The following GNAL variants were observed in gnomAD, a reference collection of about 807,000 sequenced individuals.
The protein encoded by GNAL is G protein subunit alpha L, also known as guanine nucleotide-binding protein G(olf) subunit alpha.
A neutral mutation model predicts 55.1 loss-of-function variants in GNAL; 18 were observed. That is an observed-to-expected ratio of 0.33 (90% CI 0.23 to 0.48). GNAL has a LOEUF of 0.48. Ranked by LOEUF, GNAL falls within the 20% of genes least tolerant of loss-of-function variation. GNAL has a pLI of 0.99. For missense variants in GNAL, 412 were observed against 614.1 expected (o/e 0.67, Z 3.48); for synonymous variants, 253 against 237.0 (o/e 1.07, Z -0.62).
Position 11,884,579 on chromosome 18 carries a change from G to T in GNAL, c.*3444G>T, listed in dbSNP as rs144278251. 1.2e-6 allele frequency: 2 copies of T among 1,613,944 alleles called. No individual in the cohort carries two copies. Among genetic ancestry groups the T allele is most frequent in the Non-Finnish European group, 8.5e-7 (1 of 1,180,030 alleles). ...TAGATGATCAAAACCACATCCTCACGTGGGAGGTAGCACTTGGAGAGGGTG... is the reference window on the plus strand; with the variant it reads ...TAGATGATCAAAACCACATCCTCACTTGGGAGGTAGCACTTGGAGAGGGTG... On this transcript the variant is annotated 3_prime_UTR_variant, in exon 12 of 12. Transcript: ENST00000334049.
At chr18:11,827,209 G>A (rs1466239380) in intron 5 of GNAL, among the ~76,000 whole-genome samples, 2 of 152,068 alleles carry the variant, frequency 1.3e-5, no homozygotes, top group African/African-American at 4.8e-5. Flanking sequence ...AGAATGGAGC[G>A]CACACCTGCT....
At chr18:11,783,430 A>G (rs560735869) in intron 4 of GNAL, among the ~76,000 whole-genome samples, 221 of 152,314 alleles carry the variant, frequency 1.5e-3, no homozygotes, top group Admixed American at 3.3e-3. Flanking sequence ...ATATTAGCTA[A>G]TCGGAAGAAA....
At position 11,884,519 on chromosome 18, in the gene GNAL, G is replaced by A. The variant is rs535879652; in HGVS notation, c.*3384G>A. ...GAGGCTAGAAGCCCAAAGTGAGTGA[G>A]TGTGAGGACCACAAGGAAGCCCACC... On this transcript the variant is annotated 3_prime_UTR_variant, in exon 12 of 12. Transcript: ENST00000334049. 33 of 1,614,166 alleles carry A rather than the reference G, an allele frequency of 2.0e-5. No homozygotes were observed. In the Admixed American group the frequency reaches 4.3e-4, roughly 21 times the overall value.
At chr18:11,825,831 A>T (rs925375164) in intron 5 of GNAL, among the ~76,000 whole-genome samples, 1 of 151,332 alleles carries the variant, frequency 6.6e-6, no homozygotes, top group Non-Finnish European at 1.5e-5. Flanking sequence ...GCTATGTTAG[A>T]TATATTCTAT....
At chr18:11,878,269 T>C (rs1341594028) in intron 11 of GNAL, among the ~76,000 whole-genome samples, 1 of 152,092 alleles carries the variant, frequency 6.6e-6, no homozygotes, top group African/African-American at 2.4e-5. Context: ...AGACAACATA[T>C]CGAGACCTCA....
intron 1 of GNAL, among the ~76,000 whole-genome samples, chr18:11,743,330 A>AAAC (rs1420975795): frequency 6.6e-6 from 1 of 151,190 alleles, no homozygotes; most frequent in Non-Finnish European, 1.5e-5. Context: ...AAAAAAAAAA[A>AAAC]CCACCACTGT....
intron 4 of GNAL, among the ~76,000 whole-genome samples, chr18:11,755,477 G>A (rs112670435): frequency 0.014 from 2,161 of 152,206 alleles, 21 homozygotes; most frequent in Middle Eastern, 0.037. Flanking sequence ...GGGTTTCACC[G>A]TGTTAGCCAG....
intron 5 of GNAL, among the ~76,000 whole-genome samples, chr18:11,859,280 A>G (rs2036076039): frequency 6.6e-6 from 1 of 152,000 alleles, no homozygotes; most frequent in South Asian, 2.1e-4. Context: ...TCACCCAGAA[A>G]CCCATCTGAC....
chr18:11,837,975 C>T (rs1015731251), intron 5 of GNAL, among the ~76,000 whole-genome samples: 6 of 151,956 alleles, frequency 3.9e-5, no homozygotes, highest in South Asian at 2.1e-4. Context: ...TCCCTTCTTA[C>T]GAAAAATTAT....
At chr18:11,759,637 G>A (rs1045675103) in intron 4 of GNAL, among the ~76,000 whole-genome samples, 4 of 152,230 alleles carry the variant, frequency 2.6e-5, no homozygotes, top group Non-Finnish European at 5.9e-5. Flanking sequence ...AGAGCCAGAC[G>A]GCCTGGTGTG....
intron 4 of GNAL, among the ~76,000 whole-genome samples, chr18:11,770,339 C>A (rs2033594317): frequency 6.6e-6 from 1 of 152,102 alleles, no homozygotes; most frequent in African/African-American, 2.4e-5. Flanking sequence ...TCAGAAACAT[C>A]TGAAAAGAAT....
intron 1 of GNAL, among the ~76,000 whole-genome samples, chr18:11,693,457 T>A (rs1005183743): frequency 7.2e-5 from 11 of 152,160 alleles, no homozygotes; most frequent in African/African-American, 2.7e-4. Flanking sequence ...TTACATGAGG[T>A]TGACATTGTT....
Position 11,884,881 on chromosome 18 carries a change from G to C in GNAL, c.*3746G>C. 7.5e-7 allele frequency: 1 copy of C among 1,331,376 alleles called. No individual in the cohort carries two copies. Among genetic ancestry groups the C allele is most frequent in the East Asian group, 3.4e-5 (1 of 29,626 alleles). 82.5% of individuals were successfully genotyped at this position (1,331,376 alleles called of 1,614,324 possible). Reference sequence around the variant, plus strand: ...TGGAAAATGTCTGGGACACTGACCTGTCAAAACTGGCCCCTGGCTCACTGG... The same window carrying C: ...TGGAAAATGTCTGGGACACTGACCTCTCAAAACTGGCCCCTGGCTCACTGG... On this transcript the variant is annotated 3_prime_UTR_variant, in exon 12 of 12. Coordinates refer to ENST00000334049, the MANE Select transcript of GNAL (RefSeq NM_182978.4).
chr18:11,756,223 GAAAGTGTTTTTGGAGCT>G (rs1258286956), intron 4 of GNAL, among the ~76,000 whole-genome samples: 1 of 152,174 alleles, frequency 6.6e-6, no homozygotes, highest in Non-Finnish European at 1.5e-5. Context: ...TCTAATTTGT[GAAAGTGTTTTTGGAGCT>G]AAATCATGAA....
At chr18:11,863,521 G>T (rs1452307721) in intron 6 of GNAL, among the ~76,000 whole-genome samples, 2 of 152,218 alleles carry the variant, frequency 1.3e-5, no homozygotes, top group East Asian at 3.8e-4. Context: ...CTCGTCTTGA[G>T]TCAGTCCCTC....
chr18:11,768,825 C>T (rs1205903303), intron 4 of GNAL, among the ~76,000 whole-genome samples: 3 of 144,908 alleles, frequency 2.1e-5, no homozygotes, highest in Non-Finnish European at 4.5e-5. Flanking sequence ...ACCCGGGAGG[C>T]GGAGCTTGCA....
At position 11,883,184 on chromosome 18, in the gene GNAL, G is replaced by A. The variant is rs2143973889; in HGVS notation, c.*2049G>A. ...GAAAGGATAACTTTATAGACAGTCA[G>A]TGCAACACACACATTTTATCTCATC... is the stretch of plus-strand genomic sequence containing the variant. On this transcript the variant is annotated 3_prime_UTR_variant, in exon 12 of 12. Transcript: ENST00000334049. 6.6e-6 allele frequency: 1 copy of A among 151,668 alleles called. No individual in the cohort carries two copies. Among genetic ancestry groups the A allele is most frequent in the Admixed American group, 6.6e-5 (1 of 15,254 alleles). The allele number at this position is 151,668 out of a possible 1,614,324, so 9.4% of individuals were successfully genotyped here.
chr18:11,857,965 T>C (rs1463025089), intron 5 of GNAL, among the ~76,000 whole-genome samples: 1 of 152,246 alleles, frequency 6.6e-6, no homozygotes, highest in Non-Finnish European at 1.5e-5. Context: ...CCAATTGCTA[T>C]ATGTTTTCAC....
intron 4 of GNAL, among the ~76,000 whole-genome samples, chr18:11,824,173 C>T (rs1361266008): frequency 1.3e-5 from 2 of 151,296 alleles, no homozygotes; most frequent in Non-Finnish European, 2.9e-5. Context: ...CATGTCCATT[C>T]CTAATCATAA....
Sources: allele counts gnomAD v4.1 joint callset (sites outside exome capture counted in the v4.1 genomes callset), GRCh38; gene constraint gnomAD v4.1.1; transcripts MANE v1.5; gene names NCBI Gene and HGNC (gene_info 2026-07-23, HGNC 2026-07-21).